The following TEKT5 variants were observed in gnomAD, a reference collection of about 807,000 sequenced individuals.
The protein encoded by TEKT5 is tektin 5.
A neutral mutation model predicts 48.7 loss-of-function variants in TEKT5; 52 were observed. The observed-to-expected ratio is 1.07, with a 90% CI of 0.86 to 1.35. TEKT5 has a LOEUF of 1.35. Among genes scored for constraint, TEKT5 ranks in the 40% most tolerant of loss-of-function variants. The pLI is 0.00. For missense variants in TEKT5, 831 were observed against 641.6 expected (o/e 1.30, Z -3.19); for synonymous variants, 318 against 267.6 (o/e 1.19, Z -1.84).
rs765685766 is a variant in TEKT5, at chr16:10,627,709, G to C, written c.1332C>G (p.Val444=). ...CGTGCTCCAGCCGGCACTTGGTCAT[G>C]ACCAGCAGCTGCAGCGTGTCCTGTG... ...RETQDTLQLL[V]MTKCRLEHEL... Residue 444 remains valine (V), a synonymous_variant, in exon 7 of 7, where the codon GTC becomes GTG. Transcript: ENST00000283025. The C allele has an allele frequency of 9.9e-6, 16 of 1,614,128 alleles. No homozygotes were observed. In the Admixed American group the frequency reaches 2.5e-4, roughly 25 times the overall value.
chr16:10,646,411 G>T (rs949400430), intron 5 of TEKT5, among the ~76,000 whole-genome samples: 5 of 152,134 alleles, frequency 3.3e-5, no homozygotes, highest in African/African-American at 4.8e-5. Flanking sequence ...ACAGTAAATT[G>T]CTCCTGAATG....
intron 5 of TEKT5, among the ~76,000 whole-genome samples, chr16:10,649,703 C>T (rs560043125): frequency 4.6e-4 from 70 of 152,188 alleles, no homozygotes; most frequent in South Asian, 1.5e-3. Context: ...CCTAAAGTGC[C>T]GGGATTACAA....
intron 5 of TEKT5, among the ~76,000 whole-genome samples, chr16:10,646,580 T>TTGCTTA (rs1474107182): frequency 6.6e-6 from 1 of 152,192 alleles, no homozygotes; most frequent in Non-Finnish European, 1.5e-5. Context: ...CACCAAGAAA[T>TTGCTTA]TGCTTAAAAC....
intron 3 of TEKT5, among the ~76,000 whole-genome samples, chr16:10,682,850 C>A (rs1264289100): frequency 6.6e-6 from 1 of 152,118 alleles, no homozygotes; most frequent in Non-Finnish European, 1.5e-5. Flanking sequence ...GCTTGCTGAC[C>A]TAATTTTGAA....
rs1899039578 is a variant in TEKT5 at position 10,694,462 on chromosome 16, A to G, written c.412T>C (p.Cys138Arg). ...QLTHQMQEGTCRNLGQRLSDI... is the reference protein window; with the variant it reads ...QLTHQMQEGTRRNLGQRLSDI... ...GACAGCCTCTGGCCCAGGTTCCGGC[A>G]GGTGCCCTCCTGCATCTGGTGCGTC... Residue 138 changes from cysteine to arginine, a missense_variant, in exon 1 of 7, where the codon TGC becomes CGC. By Grantham distance (180) the Cys-to-Arg change is radical. Transcript: ENST00000283025. 1.5e-5 allele frequency: 24 copies of G among 1,614,146 alleles called. No individual in the cohort carries two copies. Among genetic ancestry groups the G allele is most frequent in the Middle Eastern group, 1.6e-4 (1 of 6,062 alleles).
intron 5 of TEKT5, among the ~76,000 whole-genome samples, chr16:10,652,836 G>GACACACACACAC (rs572998899): frequency 1.0e-4 from 2 of 19,674 alleles, no homozygotes; most frequent in African/African-American, 3.0e-4. Context: ...TACACAGGCA[G>GACACACACACAC]ACACACACAC....
At chr16:10,652,243 G>A (rs192440781) in intron 5 of TEKT5, among the ~76,000 whole-genome samples, 1 of 152,174 alleles carries the variant, frequency 6.6e-6, no homozygotes, top group Non-Finnish European at 1.5e-5. Context: ...GGCAGACGCA[G>A]ACACCCTTCT....
chr16:10,652,064 C>T (rs1417885847), intron 5 of TEKT5, among the ~76,000 whole-genome samples: 3 of 152,214 alleles, frequency 2.0e-5, no homozygotes, highest in African/African-American at 7.2e-5. Flanking sequence ...GTCCTATCCT[C>T]TCTGAGCCGT....
At chr16:10,648,082 GC>G (rs1898098631) in intron 5 of TEKT5, among the ~76,000 whole-genome samples, 1 of 152,162 alleles carries the variant, frequency 6.6e-6, no homozygotes, top group Non-Finnish European at 1.5e-5. Context: ...TTTATTAAAT[GC>G]CTTTGATGTA....
Position 10,676,780 on chromosome 16 carries a change from G to C in TEKT5, c.864-599C>G, listed in dbSNP as rs2541502. On this transcript the variant is annotated intron_variant, in intron 4 of 6. Coordinates refer to ENST00000283025, the MANE Select transcript of TEKT5 (RefSeq NM_144674.2). ...CATTGTTCCAGGCAGTTAGGAGAGA[G>C]CCATGAACAAGAACGGCAACATCCG... Among the ~76,000 whole-genome samples the C allele has an allele frequency of 1.5e-3, 236 of 152,360 alleles. 1 individual carries two copies. Among genetic ancestry groups the C allele is most frequent in the African/African-American group, 5.5e-3 (227 of 41,586 alleles).
intron 5 of TEKT5, among the ~76,000 whole-genome samples, chr16:10,653,314 T>C (rs545316049): frequency 6.6e-6 from 1 of 152,278 alleles, no homozygotes; most frequent in East Asian, 1.9e-4. Context: ...CTCACTCCCT[T>C]TCCCGCCCAA....
rs148743004 is a variant in TEKT5 at position 10,675,539 on chromosome 16, G to A, written c.1086+420C>T. Among the ~76,000 whole-genome samples, 884 of 152,248 alleles carry A rather than the reference G, an allele frequency of 5.8e-3. 5 individuals are homozygous for A. The highest frequency in any genetic ancestry group is 0.02 in the African/African-American group (815 of 41,546). ...CAGCAGGGAACCTTTAGACTGTTAC[G>A]GTACCGTTCAGGCCTTTGGAAGTCA... On this transcript the variant is annotated intron_variant, in intron 5 of 6. Coordinates refer to ENST00000283025, the MANE Select transcript of TEKT5 (RefSeq NM_144674.2).
chr16:10,629,602 G>A (rs762485738), intron 6 of TEKT5, among the ~76,000 whole-genome samples: 3 of 152,154 alleles, frequency 2.0e-5, no homozygotes, highest in South Asian at 2.1e-4. Flanking sequence ...CTAGATAAGA[G>A]CCTCACTCAG....
intron 5 of TEKT5, among the ~76,000 whole-genome samples, chr16:10,675,743 T>C (rs1898633359): frequency 6.6e-6 from 1 of 152,088 alleles, no homozygotes; most frequent in Admixed American, 6.6e-5. Flanking sequence ...AGCTCCAGGC[T>C]TGTAAGCAAG....
chr16:10,652,148 T>C (rs955516400), intron 5 of TEKT5, among the ~76,000 whole-genome samples: 3 of 152,086 alleles, frequency 2.0e-5, no homozygotes, highest in African/African-American at 7.2e-5. Flanking sequence ...AATCCAGCAA[T>C]GCGATTAGCA....
At chr16:10,682,992 T>C (rs991029468) in intron 3 of TEKT5, among the ~76,000 whole-genome samples, 2 of 152,112 alleles carry the variant, frequency 1.3e-5, no homozygotes, top group African/African-American at 4.8e-5. Context: ...TCCCTTCAGG[T>C]TGCTCACAGA....
chr16:10,666,223 T>C (rs1898454473), intron 5 of TEKT5, among the ~76,000 whole-genome samples: 2 of 152,172 alleles, frequency 1.3e-5, no homozygotes, highest in Non-Finnish European at 2.9e-5. Context: ...TGGAATCTTG[T>C]AGTTTATAAG....
chr16:10,689,463 G>A (rs1043401970), intron 2 of TEKT5, 140 bp from the exon 3 acceptor site: 12 of 650,862 alleles, frequency 1.8e-5, no homozygotes, highest in African/African-American at 5.8e-5. Context: ...GTGGGGCCCC[G>A]CCTCAATCCA....
At chr16:10,655,634 C>A (rs146249815) in intron 5 of TEKT5, among the ~76,000 whole-genome samples, 138 of 152,278 alleles carry the variant, frequency 9.1e-4, no homozygotes, top group African/African-American at 3.2e-3. Flanking sequence ...TAATTCTAGC[C>A]AGTGGAAAGG....
Sources: gnomAD v4.1 joint callset for allele counts (sites outside exome capture counted in the v4.1 genomes callset) on GRCh38, gnomAD v4.1.1 for gene constraint, MANE v1.5 for transcripts, NCBI Gene and HGNC (gene_info 2026-07-23, HGNC 2026-07-21) for gene names.